CRTAP: variants seen among roughly 807,000 people sequenced by gnomAD.
The protein encoded by CRTAP is cartilage associated protein.
Under a neutral mutation model 42.7 loss-of-function variants are expected in CRTAP, and 33 were observed. That is an observed-to-expected ratio of 0.77 (90% confidence interval 0.59 to 1.03). The LOEUF is 1.03. CRTAP is among the 50% of genes least tolerant of loss of function. CRTAP has a pLI of 0.00. For synonymous variants in CRTAP, 243 were observed against 217.7 expected (o/e 1.12, Z -1.02); for missense variants, 613 against 533.9 (o/e 1.15, Z -1.46).
In CRTAP at chr3:33,124,554, C is replaced by A; in HGVS notation, c.768C>A (p.Phe256Leu). 6.2e-7 allele frequency: 1 copy of A among 1,614,214 alleles called. No homozygotes were observed. The highest frequency in any genetic ancestry group is 8.5e-7 in the Non-Finnish European group (1 of 1,180,036). ...AGGGTTCCAGGGAGATCAAGGACTT[C>A]AAGGATTTCTACCTTTCCATAGCAG... The part of the protein sequence containing the change: ...ACEGSREIKD[F>L]KDFYLSIADH... The change falls in exon 3 of 7, where the codon TTC becomes TTA. Residue 256 changes from phenylalanine to leucine, a missense_variant. Physicochemically the swap from Phe to Leu is conservative, Grantham distance 22 (BLOSUM62 0). Coordinates refer to ENST00000320954, the MANE Select transcript of CRTAP (RefSeq NM_006371.5).
chr3:33,122,877 C>G (rs1461631878), intron 2 of CRTAP, among the ~76,000 whole-genome samples: 1 of 152,112 alleles, frequency 6.6e-6, no homozygotes, highest in Non-Finnish European at 1.5e-5. Context: ...CTGTCCTGGC[C>G]TCTGCAAGTT....
chr3:33,119,908 G>GTGATCT (rs1701395358), intron 1 of CRTAP, among the ~76,000 whole-genome samples: 2 of 152,184 alleles, frequency 1.3e-5, no homozygotes, highest in African/African-American at 2.4e-5. Context: ...GAGAAGAACT[G>GTGATCT]TGATCTTCAA....
chr3:33,124,410 C>A lies in CRTAP; in HGVS notation c.624C>A (p.Ser208Arg). 6.2e-7 allele frequency: 1 copy of A among 1,614,066 alleles called. No individual in the cohort carries two copies. Among genetic ancestry groups the A allele is most frequent in the Non-Finnish European group, 8.5e-7 (1 of 1,180,026 alleles). Residue 208 changes from serine (S) to arginine (R), a missense_variant and splice_region_variant, in exon 3 of 7, where the codon AGC becomes AGA. By Grantham distance (110) the Ser-to-Arg change is moderately radical. Transcript: ENST00000320954. ...ACTGGCTTCTCCATGCCTTTCAGAG[C>A]CTGTTCATCCGAGCAGTGCGGGCAT... ...IKDLETKSYE[S>R]LFIRAVRAYN...
chr3:33,119,500 T>G (rs990540024), intron 1 of CRTAP, among the ~76,000 whole-genome samples: 3 of 147,074 alleles, frequency 2.0e-5, no homozygotes, highest in Non-Finnish European at 3.0e-5. Flanking sequence ...AGGTGGGGAT[T>G]TTTTTTTCCT....
intron 1 of CRTAP, 105 bp from the exon 2 acceptor site, chr3:33,120,239 G>A (rs1192556117): frequency 9.4e-7 from 1 of 1,063,316 alleles, no homozygotes; most frequent in Non-Finnish European, 1.5e-6. Flanking sequence ...AGCTGGAAAA[G>A]TTATAGCAAC....
chr3:33,117,546 G>T (rs1194947161), intron 1 of CRTAP, among the ~76,000 whole-genome samples: 1 of 152,162 alleles, frequency 6.6e-6, no homozygotes, highest in African/African-American at 2.4e-5. Context: ...CAAAAAGTAG[G>T]CCGGAGCACT....
chr3:33,130,775 C>G (rs1490501952), intron 4 of CRTAP, among the ~76,000 whole-genome samples: 1 of 151,994 alleles, frequency 6.6e-6, no homozygotes, highest in Non-Finnish European at 1.5e-5. Flanking sequence ...CTCAAGTGAT[C>G]CACCCACTTC....
At chr3:33,126,131 T>A (rs1329203601) in intron 3 of CRTAP, among the ~76,000 whole-genome samples, 1 of 152,182 alleles carries the variant, frequency 6.6e-6, no homozygotes, top group Non-Finnish European at 1.5e-5. Context: ...CCATATCCCC[T>A]TCCCCCCAGC....
rs566885440 is a variant in CRTAP, at chr3:33,134,525, C to T, written c.1152+260C>T. ...CCACACTCCAGGAATTCACAGTGGTCATTCTTCATCTTTTCACTTTATATA... is the reference window on the plus strand; with the variant it reads ...CCACACTCCAGGAATTCACAGTGGTTATTCTTCATCTTTTCACTTTATATA... On this transcript the variant is annotated intron_variant, in intron 6 of 6. Coordinates refer to ENST00000320954, the MANE Select transcript of CRTAP (RefSeq NM_006371.5). 3.3e-5 allele frequency among the ~76,000 whole-genome samples: 5 copies of T among 152,324 alleles called. No homozygotes were observed. The East Asian group carries it at 9.6e-4, about 29-fold the overall frequency.
chr3:33,123,512 T>C (rs2029956204), intron 2 of CRTAP, among the ~76,000 whole-genome samples: 1 of 152,130 alleles, frequency 6.6e-6, no homozygotes, highest in Non-Finnish European at 1.5e-5. Context: ...CCTTCTGCCG[T>C]GATTGTAAGT....
At chr3:33,117,141 T>C (rs1390098371) in intron 1 of CRTAP, among the ~76,000 whole-genome samples, 2 of 152,134 alleles carry the variant, frequency 1.3e-5, no homozygotes, top group Non-Finnish European at 2.9e-5. Context: ...TTAAACTCTG[T>C]TTATGGATAG....
chr3:33,121,237 C>T (rs571146920), intron 2 of CRTAP, among the ~76,000 whole-genome samples: 170 of 152,094 alleles, frequency 1.1e-3, no homozygotes, highest in African/African-American at 4.0e-3. Context: ...GGTGAAACCC[C>T]GTCTCTACTA....
chr3:33,124,358 CT>C (rs2029990773), intron 2 of CRTAP, 49 bp from the exon 3 acceptor site: 1 of 1,610,340 alleles, frequency 6.2e-7, no homozygotes, highest in South Asian at 1.1e-5. Flanking sequence ...TCATGACTGT[CT>C]CCCTTCACGC....
intron 2 of CRTAP, 104 bp downstream of exon 2, chr3:33,120,597 G>A: frequency 6.5e-7 from 1 of 1,528,258 alleles, no homozygotes; most frequent in African/African-American, 1.4e-5. Flanking sequence ...GTGATTTTTG[G>A]TGACATTTGC....
chr3:33,117,397 T>C (rs1701355116), intron 1 of CRTAP, among the ~76,000 whole-genome samples: 12 of 152,208 alleles, frequency 7.9e-5, no homozygotes, highest in Admixed American at 7.9e-4. Flanking sequence ...AGAAAAGGGC[T>C]GTGCTACTGG....
At chr3:33,122,970 TC>T (rs1318157865) in intron 2 of CRTAP, among the ~76,000 whole-genome samples, 1 of 151,844 alleles carries the variant, frequency 6.6e-6, no homozygotes, top group Non-Finnish European at 1.5e-5. Context: ...TTTCTCTCTC[TC>T]TTTTTTTTTT....
intron 3 of CRTAP, among the ~76,000 whole-genome samples, chr3:33,129,469 T>C (rs181149441): frequency 1.3e-5 from 2 of 152,198 alleles, no homozygotes; most frequent in African/African-American, 4.8e-5. Flanking sequence ...TTCATATTGA[T>C]TTGAAACAAC....
intron 2 of CRTAP, among the ~76,000 whole-genome samples, chr3:33,121,681 AGG>A (rs1486321390): frequency 6.6e-6 from 1 of 152,190 alleles, no homozygotes; most frequent in Non-Finnish European, 1.5e-5. Flanking sequence ...AGGGTCACCC[AGG>A]TGAGTAGGAA....
Position 33,144,802 on chromosome 3 carries a change from G to C in CRTAP, c.*2354G>C, listed in dbSNP as rs1202201159. On this transcript the variant is annotated 3_prime_UTR_variant, in exon 7 of 7. Coordinates refer to ENST00000320954, the MANE Select transcript of CRTAP (RefSeq NM_006371.5). The stretch of plus-strand genomic sequence containing the variant: ...AGCCCTTGGGCTCTCTGGGAAATGG[G>C]AAATCAGCCAAAGGACTGAGAAGGA... 6.6e-6 allele frequency: 1 copy of C among 152,250 alleles called. No homozygotes were observed. Among genetic ancestry groups the C allele is most frequent in the Non-Finnish European group, 1.5e-5 (1 of 68,078 alleles). The allele number at this position is 152,250 out of a possible 1,614,324, so 9.4% of individuals were successfully genotyped here. A position where few individuals can be genotyped will look rare whatever the true frequency, so the allele number is the denominator to read the frequency against.
Sources: allele counts gnomAD v4.1 joint callset (sites outside exome capture counted in the v4.1 genomes callset), GRCh38; gene constraint gnomAD v4.1.1; transcripts MANE v1.5; gene names NCBI Gene and HGNC (gene_info 2026-07-23, HGNC 2026-07-21).